DTNA: variants seen among roughly 807,000 people sequenced by gnomAD.
DTNA encodes dystrophin-related protein 3.
A neutral mutation model predicts 100.7 loss-of-function variants in DTNA; 43 were observed. That is an observed-to-expected ratio of 0.43 (90% CI 0.33 to 0.55). The LOEUF is 0.55. Among genes scored for constraint, DTNA ranks in the 20% least tolerant of loss-of-function variants. DTNA has a pLI of 0.04. For synonymous variants in DTNA, 349 were observed against 347.9 expected (o/e 1.00, Z -0.04); for missense variants, 798 against 953.9 (o/e 0.84, Z 2.15).
chr18:34,756,542 C>T (rs1432564062), intron 2 of DTNA, among the ~76,000 whole-genome samples: 1 of 152,172 alleles, frequency 6.6e-6, no homozygotes, highest in African/African-American at 2.4e-5. Context: ...ACTTGTCATT[C>T]AGACCTCATG....
At chr18:34,749,217 G>A (rs980053291) in intron 1 of DTNA, among the ~76,000 whole-genome samples, 1 of 151,974 alleles carries the variant, frequency 6.6e-6, no homozygotes, top group Non-Finnish European at 1.5e-5. Context: ...GGAGCTTTTT[G>A]GACTAGTCTT....
chr18:34,610,352 A>G (rs1408660869), intron 1 of DTNA, among the ~76,000 whole-genome samples: 2 of 152,326 alleles, frequency 1.3e-5, no homozygotes, highest in Admixed American at 1.3e-4. Context: ...CTGAGGCAGG[A>G]GAGATTAAGT....
intron 1 of DTNA, among the ~76,000 whole-genome samples, chr18:34,666,893 T>G (rs913521518): frequency 6.6e-6 from 1 of 152,208 alleles, no homozygotes; most frequent in African/African-American, 2.4e-5. Flanking sequence ...TAGGATTGAC[T>G]TGGCGATGCG....
chr18:34,783,338 G>A (rs77169928), intron 3 of DTNA, among the ~76,000 whole-genome samples: 1 of 152,190 alleles, frequency 6.6e-6, no homozygotes, highest in African/African-American at 2.4e-5. Flanking sequence ...GGCAATGGAT[G>A]TACTACCAGG....
intron 1 of DTNA, among the ~76,000 whole-genome samples, chr18:34,645,875 G>T (rs1318272612): frequency 6.6e-6 from 1 of 152,060 alleles, no homozygotes; most frequent in Non-Finnish European, 1.5e-5. Context: ...ATTGGGTCTT[G>T]CTTATTAATA....
intron 1 of DTNA, among the ~76,000 whole-genome samples, chr18:34,622,079 A>G (rs1254485952): frequency 6.6e-6 from 1 of 152,146 alleles, no homozygotes; most frequent in South Asian, 2.1e-4. Flanking sequence ...TTGGAGATCT[A>G]TTGGTGACTA....
At chr18:34,549,303 A>C (rs983637275) in intron 1 of DTNA, among the ~76,000 whole-genome samples, 2 of 152,112 alleles carry the variant, frequency 1.3e-5, no homozygotes, top group African/African-American at 2.4e-5. Flanking sequence ...TGTAGGTTAC[A>C]AGGAATTTAC....
intron 1 of DTNA, among the ~76,000 whole-genome samples, chr18:34,566,783 T>A (rs1422848944): frequency 1.3e-5 from 2 of 152,196 alleles, no homozygotes; most frequent in Non-Finnish European, 2.9e-5. Context: ...CAGGCCTACA[T>A]AAAGTAGATC....
At chr18:34,671,657 AC>A (rs1255957373) in intron 1 of DTNA, among the ~76,000 whole-genome samples, 1 of 152,144 alleles carries the variant, frequency 6.6e-6, no homozygotes, top group African/African-American at 2.4e-5. Context: ...TTTTCATGTT[AC>A]TAATGTAACT....
intron 17 of DTNA, 139 bp downstream of exon 17, chr18:34,864,201 A>C (rs911841358): frequency 1.7e-5 from 12 of 721,298 alleles, no homozygotes; most frequent in Non-Finnish European, 2.6e-5. Flanking sequence ...GATGTAAAAC[A>C]ATTTGTTAGA....
intron 17 of DTNA, among the ~76,000 whole-genome samples, chr18:34,874,369 G>A (rs2096794785): frequency 1.3e-5 from 2 of 152,160 alleles, no homozygotes; most frequent in Non-Finnish European, 2.9e-5. Flanking sequence ...GACTTCTTTT[G>A]TCAACTAATT....
chr18:34,503,996 G>A (rs2040225839), intron 1 of DTNA: 1 of 151,804 alleles, frequency 6.6e-6, no homozygotes, highest in Non-Finnish European at 1.5e-5. Flanking sequence ...CCACCACACT[G>A]GCTAATTTTA....
At chr18:34,580,460 G>A (rs1482616256) in intron 1 of DTNA, among the ~76,000 whole-genome samples, 1 of 151,982 alleles carries the variant, frequency 6.6e-6, no homozygotes, top group Non-Finnish European at 1.5e-5. Flanking sequence ...TCTCTATTTG[G>A]CTGTGTGTGG....
At chr18:34,572,709 T>TA (rs2047710400) in intron 1 of DTNA, among the ~76,000 whole-genome samples, 1 of 152,140 alleles carries the variant, frequency 6.6e-6, no homozygotes, top group African/African-American at 2.4e-5. Context: ...AGTTCTACTA[T>TA]TAGGTGCCTA....
At position 34,879,718 on chromosome 18, in the gene DTNA, A is replaced by C; in HGVS notation, c.2161A>C (p.Met721Leu). The C allele has an allele frequency of 6.2e-7, 1 of 1,614,068 alleles. No individual in the cohort carries two copies. Among genetic ancestry groups the C allele is most frequent in the Non-Finnish European group, 8.5e-7 (1 of 1,179,974 alleles). Residue 721 changes from methionine to leucine, a missense_variant and splice_region_variant, in exon 20 of 23, where the codon ATG (methionine) becomes CTG (leucine). Met to Leu is a conservative substitution (Grantham distance 15, BLOSUM62 2). Around this residue, in one of 6 missense-constraint regions of DTNA, gnomAD observed 242 missense variants for 238.2 expected, o/e 1.02. Coordinates refer to ENST00000444659, the MANE Select transcript of DTNA (RefSeq NM_001386795.1). ...TACCACAAGTACCATGCGTGGCGAC[A>C]TGTGAGTATCTTCCGCTTGGAAGCA... ...GATTSTMRGD[M>L]VTEDADPYVQ...
At chr18:34,558,125 C>G (rs996289964) in intron 1 of DTNA, 1 of 152,820 alleles carries the variant, frequency 6.5e-6, no homozygotes, top group South Asian at 2.1e-4. Context: ...GGGAGTGACC[C>G]GATTTTCCAG....
chr18:34,559,021 G>A (rs1350885207), intron 1 of DTNA, among the ~76,000 whole-genome samples: 2 of 152,154 alleles, frequency 1.3e-5, no homozygotes, highest in Non-Finnish European at 2.9e-5. Flanking sequence ...ATTGGAACAT[G>A]GCAACAGTTT....
intron 22 of DTNA, among the ~76,000 whole-genome samples, chr18:34,886,601 A>T (rs2096923986): frequency 6.6e-6 from 1 of 152,216 alleles, no homozygotes; most frequent in African/African-American, 2.4e-5. Flanking sequence ...TAAAAAGTGG[A>T]ATTTGGTACC....
At chr18:34,663,735 T>C (rs2075520336) in intron 1 of DTNA, among the ~76,000 whole-genome samples, 1 of 152,262 alleles carries the variant, frequency 6.6e-6, no homozygotes, top group African/African-American at 2.4e-5. Flanking sequence ...AATGATAAAA[T>C]TCAAACTTTC....
Sources: allele counts gnomAD v4.1 joint callset (sites outside exome capture counted in the v4.1 genomes callset), GRCh38; gene constraint gnomAD v4.1.1; regional missense constraint gnomAD v4.1.1; transcripts MANE v1.5; gene names NCBI Gene and HGNC (gene_info 2026-07-23, HGNC 2026-07-21).